The following ADGRL2 variants were observed in gnomAD, a reference collection of about 807,000 sequenced individuals.
ADGRL2 encodes adhesion G protein-coupled receptor L2, also known as calcium-independent alpha-latrotoxin receptor 2.
A neutral mutation model predicts 157.4 loss-of-function variants in ADGRL2; 44 were observed. The ratio of observed to expected loss-of-function variants is 0.28; its 90% CI spans 0.22 to 0.36. The LOEUF is 0.36. ADGRL2 is among the 10% of genes least tolerant of loss of function. The pLI, the probability that ADGRL2 is intolerant of heterozygous loss-of-function variation, is 1.00. For synonymous variants in ADGRL2, 585 were observed against 624.7 expected, an observed-to-expected ratio of 0.94 and a Z score of 0.95; for missense variants, 1,510 against 1,768.9, an observed-to-expected ratio of 0.85 and a Z score of 2.63.
At chr1:81,862,001 T>A (rs2093404904) in intron 2 of ADGRL2, among the ~76,000 whole-genome samples, 1 of 152,214 alleles carries the variant, frequency 6.6e-6, no homozygotes, top group South Asian at 2.1e-4. Context: ...ATTACATCCG[T>A]CTTTTTTGTC....
intron 5 of ADGRL2, 21 bp from the exon 6 acceptor site, chr1:81,942,948 G>C: frequency 6.3e-7 from 1 of 1,575,378 alleles, no homozygotes; most frequent in Non-Finnish European, 8.7e-7. Flanking sequence ...CTTAATTTTT[G>C]TCTTTCTCTG....
At chr1:81,659,797 T>C (rs1434734350) in intron 3 of ADGRL2, among the ~76,000 whole-genome samples, 1 of 152,248 alleles carries the variant, frequency 6.6e-6, no homozygotes, top group Non-Finnish European at 1.5e-5. Context: ...GAATTTAACA[T>C]AGTTGAATGT....
chr1:81,380,772 ATGTATTTGGTGGTGGTGG>A (rs1449177470), intron 1 of ADGRL2, among the ~76,000 whole-genome samples: 2 of 152,130 alleles, frequency 1.3e-5, no homozygotes, highest in African/African-American at 4.8e-5. Flanking sequence ...TAACCTTATA[ATGTATTTGGTGGTGGTGG>A]TGGTAGTGGT....
chr1:81,426,941 GA>G (rs1302305582), intron 1 of ADGRL2: 2 of 715,842 alleles, frequency 2.8e-6, no homozygotes, highest in East Asian at 2.7e-5. Flanking sequence ...CAGACAGAGT[GA>G]AAAAAAGGAA....
At chr1:81,550,700 T>C (rs916124737) in intron 2 of ADGRL2, among the ~76,000 whole-genome samples, 3 of 152,164 alleles carry the variant, frequency 2.0e-5, no homozygotes, top group Non-Finnish European at 4.4e-5. Context: ...AGATTTATCC[T>C]GTTACAATTC....
intron 1 of ADGRL2, among the ~76,000 whole-genome samples, chr1:81,419,366 G>C (rs2077087556): frequency 6.6e-6 from 1 of 151,984 alleles, no homozygotes; most frequent in Non-Finnish European, 1.5e-5. Context: ...ACCACACCTG[G>C]CTATTTTTTG....
chr1:81,857,267 A>T (rs1015091072), intron 2 of ADGRL2, among the ~76,000 whole-genome samples: 1 of 152,164 alleles, frequency 6.6e-6, no homozygotes, highest in Non-Finnish European at 1.5e-5. Context: ...ATGGAAATCC[A>T]TTTTTATTTT....
chr1:81,909,724 T>TG (rs2094668006), intron 3 of ADGRL2, among the ~76,000 whole-genome samples: 1 of 150,506 alleles, frequency 6.6e-6, no homozygotes, highest in Middle Eastern at 3.4e-3. Context: ...CATTGCTTGT[T>TG]TTTTTTTTTA....
At chr1:81,692,394 A>T (rs985997369) in intron 3 of ADGRL2, among the ~76,000 whole-genome samples, 4 of 152,308 alleles carry the variant, frequency 2.6e-5, no homozygotes, top group African/African-American at 9.6e-5. Flanking sequence ...CAATTACTCA[A>T]GTTGATTGAA....
At position 81,374,429 on chromosome 1, in the gene ADGRL2, G is replaced by A. The variant is rs560499811; in HGVS notation, c.-302+67920G>A. Among the ~76,000 whole-genome samples the A allele has an allele frequency of 4.6e-5, 7 of 152,074 alleles. No homozygotes were observed. In the South Asian group the frequency reaches 6.3e-4, roughly 14 times the overall value. On this transcript the variant is annotated intron_variant, in intron 1 of 24. Coordinates refer to the ADGRL2 transcript ENST00000370721. The stretch of plus-strand genomic sequence containing the variant: ...TCTACTAAAAGTACAAAAATTAGCC[G>A]GACGTGGTGGCGGGCACCTGTAATC...
intron 1 of ADGRL2, among the ~76,000 whole-genome samples, chr1:81,835,097 A>G (rs933313885): frequency 6.6e-6 from 1 of 152,138 alleles, no homozygotes; most frequent in Admixed American, 6.6e-5. Context: ...ATAGTGGATG[A>G]CTGAAGACAG....
At chr1:81,326,558 C>T (rs980686780) in intron 1 of ADGRL2, among the ~76,000 whole-genome samples, 78 of 152,262 alleles carry the variant, frequency 5.1e-4, no homozygotes, top group African/African-American at 1.8e-3. Context: ...CAGTGTCACA[C>T]GGCAATCCAG....
chr1:81,591,531 T>C (rs2081133527), intron 3 of ADGRL2, among the ~76,000 whole-genome samples: 1 of 152,202 alleles, frequency 6.6e-6, no homozygotes, highest in Non-Finnish European at 1.5e-5. Context: ...ACTGAGTCTG[T>C]GTATTAAGCA....
At chr1:81,555,041 C>A (rs1178219925) in intron 2 of ADGRL2, among the ~76,000 whole-genome samples, 1 of 151,880 alleles carries the variant, frequency 6.6e-6, no homozygotes, top group Non-Finnish European at 1.5e-5. Flanking sequence ...CTCCAGGGAA[C>A]AGACACATGA....
chr1:81,596,097 A>T (rs2081227416), intron 3 of ADGRL2: 1 of 313,208 alleles, frequency 3.2e-6, no homozygotes, highest in Non-Finnish European at 5.8e-6. Flanking sequence ...AGTGGGAACT[A>T]GGATCTTTTT....
intron 3 of ADGRL2, among the ~76,000 whole-genome samples, chr1:81,607,639 C>T (rs1219959588): frequency 1.3e-5 from 2 of 152,150 alleles, no homozygotes; most frequent in African/African-American, 2.4e-5. Flanking sequence ...ACTTTTGCCT[C>T]ATGTATTCGT....
intron 1 of ADGRL2, among the ~76,000 whole-genome samples, chr1:81,750,700 G>C (rs1334106492): frequency 6.6e-6 from 1 of 151,964 alleles, no homozygotes; most frequent in African/African-American, 2.4e-5. Context: ...CTGGGCAACA[G>C]AGCAAGACTC....
chr1:81,851,451 T>C (rs1361251867), intron 2 of ADGRL2, among the ~76,000 whole-genome samples: 2 of 151,838 alleles, frequency 1.3e-5, no homozygotes, highest in African/African-American at 4.8e-5. Context: ...ATTCTTGTGA[T>C]CTTGTCTTGT....
At chr1:81,799,110 C>T (rs188469436), upstream of ADGRL2, among the ~76,000 whole-genome samples, 87 of 152,272 alleles carry the variant, frequency 5.7e-4, 1 homozygote, top group African/African-American at 2.0e-3. Flanking sequence ...TTCTTTTCAA[C>T]GACTTGAAGT....
Sources: allele counts gnomAD v4.1 joint callset (sites outside exome capture counted in the v4.1 genomes callset), GRCh38; gene constraint gnomAD v4.1.1; transcripts MANE v1.5; gene names NCBI Gene and HGNC (gene_info 2026-07-23, HGNC 2026-07-21).